Variants in MAP4 observed in about 807,000 individuals in gnomAD.
MAP4 encodes microtubule associated protein 4.
In MAP4, 76 loss-of-function variants were observed where a neutral mutation model predicts 170.2. The ratio of observed to expected loss-of-function variants is 0.45; its 90% confidence interval spans 0.37 to 0.54. MAP4 has a LOEUF of 0.54. Among genes scored for constraint, MAP4 ranks in the 20% least tolerant of loss-of-function variants. The probability of loss-of-function intolerance (pLI) is 0.00; values close to 1 mark genes in which losing one functional copy is unlikely to be tolerated. For missense variants in MAP4, 2,506 were observed against 2,748.0 expected (o/e 0.91, Z 1.97); for synonymous variants, 909 against 994.5 (o/e 0.91, Z 1.62).
At chr3:48,012,506 T>TC (rs549753581) in intron 1 of MAP4, among the ~76,000 whole-genome samples, 320 of 152,272 alleles carry the variant, frequency 2.1e-3, no homozygotes, top group Non-Finnish European at 3.5e-3. Flanking sequence ...TAAGATGCAA[T>TC]CTACTCAAAT....
chr3:47,951,687 T>TC (rs1315470178), intron 3 of MAP4, among the ~76,000 whole-genome samples: 1 of 152,142 alleles, frequency 6.6e-6, no homozygotes, highest in East Asian at 1.9e-4. Context: ...AGTGGCGTGA[T>TC]CTCGGCTCGC....
intron 4 of MAP4, among the ~76,000 whole-genome samples, chr3:47,926,017 G>A (rs1218857805): frequency 6.6e-6 from 1 of 151,310 alleles, no homozygotes; most frequent in Non-Finnish European, 1.5e-5. Flanking sequence ...ACCATGCCTG[G>A]CTATTTTTTT....
intron 3 of MAP4, among the ~76,000 whole-genome samples, chr3:47,970,763 C>T (rs768064880): frequency 1.3e-5 from 2 of 152,000 alleles, no homozygotes; most frequent in Admixed American, 6.6e-5. Context: ...GTTGCAGTGA[C>T]CTAAGATCGT....
intron 3 of MAP4, among the ~76,000 whole-genome samples, chr3:47,967,163 C>G (rs1029196645): frequency 2.0e-5 from 3 of 150,996 alleles, no homozygotes; most frequent in Non-Finnish European, 4.4e-5. Context: ...ATGGAGAAAC[C>G]CCATCTCTAC....
intron 1 of MAP4, among the ~76,000 whole-genome samples, chr3:48,088,462 C>G (rs923870685): frequency 6.6e-6 from 1 of 152,182 alleles, no homozygotes; most frequent in African/African-American, 2.4e-5. Flanking sequence ...CGCGGCTCAG[C>G]CCCATCCAGA....
intron 10 of MAP4, among the ~76,000 whole-genome samples, chr3:47,888,517 C>G (rs1205814293): frequency 6.6e-6 from 1 of 152,096 alleles, no homozygotes; most frequent in Non-Finnish European, 1.5e-5. Flanking sequence ...TCTGCAGCTT[C>G]ACTCCTGAGC....
rs542139473 is a variant in MAP4 at position 47,963,955 on chromosome 3, G to A, written c.292+13910C>T. Among the ~76,000 whole-genome samples, 9 of 152,348 alleles carry A rather than the reference G, an allele frequency of 5.9e-5. No homozygotes were observed. In the South Asian group the frequency reaches 1.9e-3, roughly 32 times the overall value. ...TCAATCATGAATATATCAAAGGGAA[G>A]AACATTCCAGGCAGAGAAAACTGCT... On this transcript the variant is annotated intron_variant, in intron 3 of 20. Transcript: ENST00000683076.
intron 10 of MAP4, among the ~76,000 whole-genome samples, chr3:47,893,044 A>AG (rs397722519): frequency 1.3e-5 from 2 of 151,240 alleles, no homozygotes; most frequent in Non-Finnish European, 3.0e-5. Flanking sequence ...AAAAAAAAAA[A>AG]CCACACCTTA....
At chr3:48,081,612 A>G (rs965284719) in intron 1 of MAP4, among the ~76,000 whole-genome samples, 7 of 152,188 alleles carry the variant, frequency 4.6e-5, no homozygotes, top group African/African-American at 1.7e-4. Flanking sequence ...AAGGAAGAGA[A>G]TGCTAGAATG....
At position 47,855,221 on chromosome 3, in the gene MAP4, G is replaced by A. The variant is rs2053055713; in HGVS notation, c.6696+27C>T. 2 of 1,525,886 alleles carry A rather than the reference G, an allele frequency of 1.3e-6. No homozygotes were observed. Among genetic ancestry groups the A allele is most frequent in the Non-Finnish European group, 1.8e-6 (2 of 1,099,628 alleles). 94.5% of individuals were successfully genotyped at this position (1,525,886 alleles called of 1,614,324 possible). A position where few individuals can be genotyped will look rare whatever the true frequency, so the allele number is the denominator to read the frequency against. ...GCATAGTTCCCACCCCTCCCCAGCT[G>A]TGTCTCCCCAGTGACCCACTCGCTA... On this transcript the variant is annotated intron_variant, in intron 19 of 20. Coordinates refer to ENST00000683076, the MANE Select transcript of MAP4 (RefSeq NM_001385682.1). The surrounding 1 kb of genome is among the most constrained non-coding windows in gnomAD (Gnocchi z 5.1).
At chr3:47,980,660 G>A (rs1431360705) in intron 2 of MAP4, among the ~76,000 whole-genome samples, 1 of 152,080 alleles carries the variant, frequency 6.6e-6, no homozygotes, top group African/African-American at 2.4e-5. Flanking sequence ...TTAAATAGCC[G>A]CTATGTAACA....
intron 16 of MAP4, among the ~76,000 whole-genome samples, chr3:47,868,266 A>G (rs1368658149): frequency 6.6e-6 from 1 of 152,202 alleles, no homozygotes; most frequent in African/African-American, 2.4e-5. Context: ...TTTGCAAATG[A>G]TGCAGGTCCC....
At chr3:47,874,784 T>G (rs2152380129) in intron 12 of MAP4, among the ~76,000 whole-genome samples, 1 of 152,356 alleles carries the variant, frequency 6.6e-6, no homozygotes, top group South Asian at 2.1e-4. Flanking sequence ...GATTTTTCAG[T>G]TTCTTGGCCA....
chr3:47,911,825 T>G lies in MAP4; in HGVS notation c.2596A>C (p.Lys866Gln). The change falls in exon 9 of 21, where the codon AAA becomes CAA. Residue 866 changes from lysine (K) to glutamine (Q), a missense_variant. By Grantham distance (53) the Lys-to-Gln change is moderately conservative. Transcript: ENST00000683076. The surrounding 1 kb of genome is among the most constrained non-coding windows in gnomAD (Gnocchi z 4.0). ...IPLYPSEEAP[K>Q]TAISSQSKLR... ...TTAGACTGAGAACTTATTGCAGTTT[T>G]GGGGGCTTCTTCAGAAGGATATAAA... 2 of 1,536,162 alleles carry G rather than the reference T, an allele frequency of 1.3e-6. No homozygotes were observed. The highest frequency in any genetic ancestry group is 1.7e-6 in the Non-Finnish European group (2 of 1,146,916).
intron 3 of MAP4, among the ~76,000 whole-genome samples, chr3:47,958,482 C>T (rs2100069211): frequency 6.6e-6 from 1 of 152,016 alleles, no homozygotes; most frequent in Non-Finnish European, 1.5e-5. Context: ...TTTCTTCTTT[C>T]CTTCTTCCCA....
intron 18 of MAP4, among the ~76,000 whole-genome samples, chr3:47,857,211 T>G (rs548881114): frequency 7.9e-5 from 12 of 152,360 alleles, no homozygotes; most frequent in Admixed American, 5.9e-4. Flanking sequence ...AGAGAATGCC[T>G]GTGCAGATGG....
chr3:47,921,775 T>C lies in MAP4; in HGVS notation c.519A>G (p.Lys173=), dbSNP rs1394894306. The C allele has an allele frequency of 1.9e-6, 3 of 1,603,960 alleles. No homozygotes were observed. The Admixed American group carries it at 5.0e-5, about 27-fold the overall frequency. The change falls in exon 5 of 21, where the codon AAA becomes AAG. Residue 173 remains lysine (K), a synonymous_variant. Transcript: ENST00000683076. ...TTGAAGAAGCCATACCGTAACTGTC[T>C]TTCAAGGGATCATTTTGTCCTGCAA... The part of the protein sequence containing the change: ...SIFAGQNDPL[K]DSYGMSPCNT...
At chr3:47,876,132 CTTTCTTTT>C (rs760863632) in intron 11 of MAP4, among the ~76,000 whole-genome samples, 3 of 140,560 alleles carry the variant, frequency 2.1e-5, no homozygotes, top group Admixed American at 7.2e-5. Context: ...TTTTCTTTTT[CTTTCTTTT>C]TTTTTTTTTT....
rs551678367 is a variant in MAP4 at position 48,007,590 on chromosome 3, T to C, written c.-19-8711A>G. On this transcript the variant is annotated intron_variant, in intron 1 of 20. Coordinates refer to ENST00000683076, the MANE Select transcript of MAP4 (RefSeq NM_001385682.1). ...CAGATGGGGATGTTGTTTGGAGTCT[T>C]TGGCAGGCTCCCATAGGTGAATCGC... 9.2e-5 allele frequency among the ~76,000 whole-genome samples: 14 copies of C among 152,200 alleles called. No individual in the cohort carries two copies. In the South Asian group the frequency reaches 2.7e-3, roughly 29 times the overall value.
Sources: allele counts gnomAD v4.1 joint callset (sites outside exome capture counted in the v4.1 genomes callset), GRCh38; gene constraint gnomAD v4.1.1; non-coding constraint Gnocchi (gnomAD v3.1); transcripts MANE v1.5; gene names NCBI Gene and HGNC (gene_info 2026-07-23, HGNC 2026-07-21).